The following TEKT1 variants were observed in gnomAD, a reference collection of about 807,000 sequenced individuals.
TEKT1 encodes the protein tektin-1.
Under a neutral mutation model 34.8 loss-of-function variants are expected in TEKT1, and 32 were observed. The observed-to-expected ratio is 0.92, with a 90% CI of 0.69 to 1.23. TEKT1 has a LOEUF of 1.23. Among genes scored for constraint, TEKT1 ranks in the 50% most tolerant of loss-of-function variants. The pLI is 0.00. For synonymous variants in TEKT1, 207 were observed against 199.8 expected (o/e 1.04, Z -0.30); for missense variants, 492 against 518.5 (o/e 0.95, Z 0.50).
At chr17:6,825,713 A>G (rs1904376293) in intron 2 of TEKT1, among the ~76,000 whole-genome samples, 1 of 152,236 alleles carries the variant, frequency 6.6e-6, no homozygotes, top group African/African-American at 2.4e-5. Flanking sequence ...AAATAGAATA[A>G]TATGGCATGT....
chr17:6,803,781 A>C (rs993270329), intron 6 of TEKT1, among the ~76,000 whole-genome samples: 3 of 152,092 alleles, frequency 2.0e-5, no homozygotes, highest in African/African-American at 4.8e-5. Context: ...GATATGCGGC[A>C]GTATTTCTGA....
At position 6,800,954 on chromosome 17, in the gene TEKT1, G is replaced by C. The variant is rs2136282; in HGVS notation, c.853-11C>G. 52 of 1,607,808 alleles carry C rather than the reference G, an allele frequency of 3.2e-5. No homozygotes were observed. Among genetic ancestry groups the C allele is most frequent in the African/African-American group, 1.6e-4 (12 of 74,718 alleles). On this transcript the variant is annotated splice_polypyrimidine_tract_variant and intron_variant, in intron 6 of 7. Transcript: ENST00000338694. ...AATCTCTTCCATGACCTTACAAAAAGGATTAGAGTAGGTGAGGCCAAGCTG... is the reference window on the plus strand; with the variant it reads ...AATCTCTTCCATGACCTTACAAAAACGATTAGAGTAGGTGAGGCCAAGCTG...
Position 6,803,135 on chromosome 17 carries a change from T to C in TEKT1, c.853-2192A>G, listed in dbSNP as rs145799932. On this transcript the variant is annotated intron_variant, in intron 6 of 7. Transcript: ENST00000338694. ...TCCAGCACCTGTTGTTTCCTGACTT[T>C]TTAATGATCGCCATTCTAACTGGTG... Among the ~76,000 whole-genome samples the C allele has an allele frequency of 8.2e-3, 1,244 of 152,290 alleles. 16 individuals are homozygous for C. Among genetic ancestry groups the C allele is most frequent in the African/African-American group, 0.028 (1,177 of 41,552 alleles).
chr17:6,799,872 TC>T lies in TEKT1; in HGVS notation c.*154del. The T allele has an allele frequency of 6.4e-6, 4 of 623,890 alleles. No individual in the cohort carries two copies. Among genetic ancestry groups the T allele is most frequent in the Non-Finnish European group, 1.1e-5 (4 of 377,336 alleles). 38.6% of individuals were successfully genotyped at this position (623,890 alleles called of 1,614,324 possible). A position where few individuals can be genotyped will look rare whatever the true frequency, so the allele number is the denominator to read the frequency against. ...ACCACACCAGCATAAGAGAAGAAAC[TC>T]GCCCCAAAATCAGCCCCCTGAGCAG... On this transcript the variant is annotated 3_prime_UTR_variant, in exon 8 of 8. Coordinates refer to ENST00000338694, the MANE Select transcript of TEKT1 (RefSeq NM_053285.2).
intron 2 of TEKT1, among the ~76,000 whole-genome samples, chr17:6,820,676 C>A (rs1977074261): frequency 6.6e-6 from 1 of 152,136 alleles, no homozygotes. Flanking sequence ...AGAGCATCTT[C>A]TCCTCCTGCT....
intron 2 of TEKT1, among the ~76,000 whole-genome samples, chr17:6,829,801 T>G (rs1440942323): frequency 6.6e-6 from 1 of 152,194 alleles, no homozygotes; most frequent in African/African-American, 2.4e-5. Flanking sequence ...GACCTACAAC[T>G]GGCTGAACCC....
At position 6,799,780 on chromosome 17, in the gene TEKT1, G is replaced by T. The variant is rs565323242; in HGVS notation, c.*247C>A. ...AAATGTCTTGAAACCCTGTCCTGGG[G>T]CCCCAAGTCCTGTGATATTGTAAGA... On this transcript the variant is annotated 3_prime_UTR_variant, in exon 8 of 8. Coordinates refer to ENST00000338694, the MANE Select transcript of TEKT1 (RefSeq NM_053285.2). The T allele has an allele frequency of 1.0e-5, 4 of 393,958 alleles. No individual in the cohort carries two copies. The highest frequency in any genetic ancestry group is 1.8e-5 in the Non-Finnish European group (4 of 221,724). 24.4% of individuals were successfully genotyped at this position (393,958 alleles called of 1,614,324 possible).
chr17:6,819,464 T>C lies in TEKT1; in HGVS notation c.191-106A>G, dbSNP rs182283885. ...GTAAAACCACCTGTGACATGCTCTT[T>C]TCCTCTTAGTGCTGTGCTATTTGGG... On this transcript the variant is annotated intron_variant, in intron 2 of 7. Coordinates refer to ENST00000338694, the MANE Select transcript of TEKT1 (RefSeq NM_053285.2). 8.4e-4 allele frequency: 968 copies of C among 1,153,480 alleles called. 16 individuals carry two copies. In the South Asian group the frequency reaches 0.014, roughly 17 times the overall value. The allele number at this position is 1,153,480 out of a possible 1,614,324, so 71.5% of individuals were successfully genotyped here.
At chr17:6,801,598 C>T (rs1429545880) in intron 6 of TEKT1, among the ~76,000 whole-genome samples, 4 of 152,032 alleles carry the variant, frequency 2.6e-5, no homozygotes, top group Non-Finnish European at 4.4e-5. Context: ...ATCCCAGATA[C>T]TCAGGAGGCT....
Position 6,812,945 on chromosome 17 carries a change from C to T in TEKT1, c.738G>A (p.Leu246=). 6.2e-7 allele frequency: 1 copy of T among 1,614,222 alleles called. No individual in the cohort carries two copies. The highest frequency in any genetic ancestry group is 8.5e-7 in the Non-Finnish European group (1 of 1,180,038). Residue 246 remains leucine (L), a synonymous_variant, in exon 6 of 8, where the codon CTG becomes CTA. Coordinates refer to ENST00000338694, the MANE Select transcript of TEKT1 (RefSeq NM_053285.2). ...TGCGCAGATCATTGGCTGTCTGGGA[C>T]AGGATTCGATCCACCAGGGCTTTCA... ...LMLKALVDRI[L]SQTANDLRKQ...
chr17:6,816,215 CTCTT>C (rs1394604905), intron 3 of TEKT1, among the ~76,000 whole-genome samples: 6 of 152,044 alleles, frequency 3.9e-5, no homozygotes, highest in East Asian at 3.8e-4. Context: ...TTTTCTCTCT[CTCTT>C]TTTCTTTTCT....
chr17:6,818,077 A>C (rs1229905262), intron 3 of TEKT1, among the ~76,000 whole-genome samples: 1 of 152,140 alleles, frequency 6.6e-6, no homozygotes, highest in Non-Finnish European at 1.5e-5. Flanking sequence ...CATTTGAGAA[A>C]CTGCAAGTAG....
At chr17:6,813,115 G>C (rs542461957) in intron 5 of TEKT1, 62 bp from the exon 6 acceptor site, 2 of 1,432,824 alleles carry the variant, frequency 1.4e-6, no homozygotes, top group East Asian at 2.3e-5. Context: ...GGTTGGGAGA[G>C]AGGGACGAGC....
intron 5 of TEKT1, chr17:6,814,874 C>A (rs111898934): frequency 0.083 from 23,305 of 281,558 alleles, 1,249 homozygotes; most frequent in Middle Eastern, 0.17. Context: ...CTTGCTCTTC[C>A]TACATTTTTA....
At chr17:6,809,046 A>G (rs1236755575) in intron 6 of TEKT1, among the ~76,000 whole-genome samples, 1 of 152,194 alleles carries the variant, frequency 6.6e-6, no homozygotes, top group Non-Finnish European at 1.5e-5. Context: ...AATTGAGCAG[A>G]AAGTAGAATT....
chr17:6,805,222 T>C (rs1240345387), intron 6 of TEKT1, among the ~76,000 whole-genome samples: 1 of 152,236 alleles, frequency 6.6e-6, no homozygotes, highest in African/African-American at 2.4e-5. Flanking sequence ...AGTTTATCCA[T>C]GTCTTCTAGA....
chr17:6,823,942 C>T (rs911076766), intron 2 of TEKT1, among the ~76,000 whole-genome samples: 6 of 151,530 alleles, frequency 4.0e-5, no homozygotes, highest in Non-Finnish European at 5.9e-5. Context: ...CCTGCCTCAG[C>T]CTCCCAAGTA....
intron 2 of TEKT1, among the ~76,000 whole-genome samples, chr17:6,828,872 C>A (rs1471453242): frequency 6.6e-6 from 1 of 152,044 alleles, no homozygotes; most frequent in Non-Finnish European, 1.5e-5. Flanking sequence ...CTGTTTTAGG[C>A]AGGGTGCGGT....
chr17:6,815,026 T>TCAC, intron 5 of TEKT1, 137 bp downstream of exon 5: 2 of 1,062,736 alleles, frequency 1.9e-6, no homozygotes, highest in Non-Finnish European at 2.7e-6. Context: ...AATGTCAAGG[T>TCAC]CACCATTCAA....
Sources: allele counts gnomAD v4.1 joint callset (sites outside exome capture counted in the v4.1 genomes callset), GRCh38; gene constraint gnomAD v4.1.1; transcripts MANE v1.5; gene names NCBI Gene and HGNC (gene_info 2026-07-23, HGNC 2026-07-21).